Variants in MMP16 observed in about 807,000 individuals in gnomAD.
MMP16 encodes matrix metalloproteinase-16.
MMP16 carries 12 observed loss-of-function variants against 67.8 expected under a neutral mutation model. The ratio of observed to expected loss-of-function variants is 0.18; its 90% confidence interval spans 0.11 to 0.29. The LOEUF (loss-of-function observed/expected upper bound fraction) is 0.29, where lower values mean the gene tolerates loss of function less well. Ranked by LOEUF, MMP16 falls within the 10% of genes least tolerant of loss-of-function variation. MMP16 has a pLI of 1.00. For synonymous variants in MMP16, 249 were observed against 255.9 expected (o/e 0.97, Z 0.26); for missense variants, 475 against 765.7 (o/e 0.62, Z 4.48).
At chr8:88,247,929 C>T (rs1197490124) in intron 1 of MMP16, among the ~76,000 whole-genome samples, 3 of 151,968 alleles carry the variant, frequency 2.0e-5, no homozygotes, top group Admixed American at 6.6e-5. Flanking sequence ...TGCACATTGA[C>T]GTCATCAAAG....
chr8:88,119,796 T>G (rs1053509200), intron 4 of MMP16, among the ~76,000 whole-genome samples: 1 of 152,060 alleles, frequency 6.6e-6, no homozygotes, highest in African/African-American at 2.4e-5. Flanking sequence ...TTTCTAAGGG[T>G]TATGTTTCTA....
At chr8:88,185,994 A>C (rs961960184) in intron 3 of MMP16, among the ~76,000 whole-genome samples, 2 of 152,206 alleles carry the variant, frequency 1.3e-5, no homozygotes, top group Non-Finnish European at 2.9e-5. Flanking sequence ...CATTAATAAC[A>C]ATTGTCACTC....
intron 1 of MMP16, among the ~76,000 whole-genome samples, chr8:88,221,988 T>C (rs1809690348): frequency 6.6e-6 from 1 of 152,088 alleles, no homozygotes; most frequent in South Asian, 2.1e-4. Flanking sequence ...TATATACTTG[T>C]TCATTTTTTT....
intron 1 of MMP16, among the ~76,000 whole-genome samples, chr8:88,250,565 G>C (rs1410580234): frequency 6.6e-6 from 1 of 151,900 alleles, no homozygotes; most frequent in Non-Finnish European, 1.5e-5. Flanking sequence ...TTGTTTTGTA[G>C]CATGATGACC....
At chr8:88,237,022 C>T (rs1244823861) in intron 1 of MMP16, among the ~76,000 whole-genome samples, 1 of 152,104 alleles carries the variant, frequency 6.6e-6, no homozygotes, top group Non-Finnish European at 1.5e-5. Context: ...GCTATTTCTA[C>T]AGGTAAAAAA....
Position 88,041,274 on chromosome 8 carries a change from G to A in MMP16, c.*187C>T. The stretch of plus-strand genomic sequence containing the variant: ...AAGAACAGCAGATACTGTGCATCAT[G>A]GAAGCTTCCCCATGAGTGTATTTCC... On this transcript the variant is annotated 3_prime_UTR_variant, in exon 10 of 10. Coordinates refer to ENST00000286614, the MANE Select transcript of MMP16 (RefSeq NM_005941.5). The surrounding 1 kb of genome is among the most constrained non-coding windows in gnomAD (Gnocchi z 6.0). 5 of 591,514 alleles carry A rather than the reference G, an allele frequency of 8.5e-6. No homozygotes were observed. The South Asian group carries it at 1.1e-4, about 13-fold the overall frequency. The allele number at this position is 591,514 out of a possible 1,614,324, so 36.6% of individuals were successfully genotyped here.
intron 1 of MMP16, among the ~76,000 whole-genome samples, chr8:88,214,732 A>G (rs2129827329): frequency 6.6e-6 from 1 of 152,276 alleles, no homozygotes; most frequent in South Asian, 2.1e-4. Context: ...GATCTCTTGA[A>G]CTTATTCCTC....
chr8:88,139,929 G>A (rs1227300347), intron 4 of MMP16, among the ~76,000 whole-genome samples: 1 of 151,794 alleles, frequency 6.6e-6, no homozygotes, highest in East Asian at 1.9e-4. Context: ...TTTTTAGAAA[G>A]CTATGTTATT....
chr8:88,078,872 C>G (rs1808697322), intron 6 of MMP16, among the ~76,000 whole-genome samples: 1 of 152,124 alleles, frequency 6.6e-6, no homozygotes, highest in African/African-American at 2.4e-5. Flanking sequence ...TCTGCCAAGC[C>G]ACCTTGGTCC....
intron 8 of MMP16, among the ~76,000 whole-genome samples, chr8:88,052,946 G>A (rs957497193): frequency 6.6e-6 from 1 of 152,048 alleles, no homozygotes; most frequent in African/African-American, 2.4e-5. Flanking sequence ...TCATTTATTT[G>A]TTTACTGTTT....
chr8:88,187,395 TA>T (rs1259196854), intron 2 of MMP16, among the ~76,000 whole-genome samples: 3 of 152,188 alleles, frequency 2.0e-5, no homozygotes, highest in African/African-American at 7.2e-5. Context: ...GCATCTTATC[TA>T]AGTAGAAAGA....
rs191925455 is a variant in MMP16, at chr8:88,246,606, C to T, written c.133-49300G>A. Among the ~76,000 whole-genome samples, 5 of 152,238 alleles carry T rather than the reference C, an allele frequency of 3.3e-5. No individual in the cohort carries two copies. The East Asian group carries it at 7.7e-4, about 24-fold the overall frequency. ...TTTACCTTCAGTAGATAACTGAATG[C>T]TTACGGAAATGTGTGAAGGATCCAG... On this transcript the variant is annotated intron_variant, in intron 1 of 9. Transcript: ENST00000286614.
At chr8:88,261,135 T>C (rs1205203306) in intron 1 of MMP16, among the ~76,000 whole-genome samples, 1 of 152,192 alleles carries the variant, frequency 6.6e-6, no homozygotes, top group African/African-American at 2.4e-5. Context: ...TTCCTAGCTT[T>C]ATCATGCAGA....
chr8:88,305,760 C>T (rs1223885946), intron 1 of MMP16, among the ~76,000 whole-genome samples: 1 of 152,086 alleles, frequency 6.6e-6, no homozygotes, highest in Non-Finnish European at 1.5e-5. Flanking sequence ...AGACAATGTA[C>T]CAGAATCTCT....
chr8:88,302,901 G>A (rs1393037665), intron 1 of MMP16, among the ~76,000 whole-genome samples: 1 of 152,194 alleles, frequency 6.6e-6, no homozygotes, highest in Non-Finnish European at 1.5e-5. Context: ...GCCTAGCCAG[G>A]AGTGGCATGG....
At chr8:88,320,981 T>A (rs1383108813) in intron 1 of MMP16, among the ~76,000 whole-genome samples, 1 of 152,106 alleles carries the variant, frequency 6.6e-6, no homozygotes, top group African/African-American at 2.4e-5. Flanking sequence ...TATGGTTTCA[T>A]GAAGAACCTC....
At chr8:88,072,615 G>A (rs890211206) in intron 7 of MMP16, among the ~76,000 whole-genome samples, 1 of 152,098 alleles carries the variant, frequency 6.6e-6, no homozygotes, top group African/African-American at 2.4e-5. Flanking sequence ...AATTATTGCT[G>A]TTGTAAGCAC....
intron 4 of MMP16, among the ~76,000 whole-genome samples, chr8:88,145,911 C>T (rs570544741): frequency 1.3e-5 from 2 of 152,070 alleles, no homozygotes; most frequent in South Asian, 2.1e-4. Flanking sequence ...TATTGCTAAA[C>T]ATCAAGCCTG....
At chr8:88,280,882 C>A (rs756438982) in intron 1 of MMP16, among the ~76,000 whole-genome samples, 2 of 149,516 alleles carry the variant, frequency 1.3e-5, no homozygotes, top group Non-Finnish European at 3.0e-5. Context: ...GAGACCCCAT[C>A]TCACTCTGTT....
Sources: gnomAD v4.1 joint callset for allele counts (sites outside exome capture counted in the v4.1 genomes callset) on GRCh38, gnomAD v4.1.1 for gene constraint, Gnocchi (gnomAD v3.1) non-coding constraint, MANE v1.5 for transcripts, NCBI Gene and HGNC (gene_info 2026-07-23, HGNC 2026-07-21) for gene names.